The following SEMA4B variants were observed in gnomAD, a reference collection of about 807,000 sequenced individuals.
SEMA4B encodes semaphorin 4B, also known as semaphorin-4B.
A neutral mutation model predicts 88.1 loss-of-function variants in SEMA4B; 55 were observed. That is an observed-to-expected ratio of 0.62 (90% confidence interval 0.50 to 0.78). SEMA4B has a LOEUF of 0.78. Among genes scored for constraint, SEMA4B ranks in the 30% least tolerant of loss-of-function variants. The pLI is 0.00. For synonymous variants in SEMA4B, 525 were observed against 473.6 expected (o/e 1.11, Z -1.41); for missense variants, 1,062 against 1,111.9 (o/e 0.96, Z 0.64).
At chr15:90,206,793 A>C in intron 1 of SEMA4B, 2 of 749,050 alleles carry the variant, frequency 2.7e-6, no homozygotes, top group East Asian at 5.0e-5. Flanking sequence ...CACCAAATCA[A>C]CCTAATTAAG....
At position 90,201,459 on chromosome 15, in the gene SEMA4B, TCCGGAGGCGGGGGCCC is replaced by T; in HGVS notation, c.-115_-100del. 2 of 1,304,866 alleles carry T rather than the reference TCCGGAGGCGGGGGCCC, an allele frequency of 1.5e-6. No individual in the cohort carries two copies. Among genetic ancestry groups the T allele is most frequent in the Non-Finnish European group, 1.9e-6 (2 of 1,029,900 alleles). The allele number at this position is 1,304,866 out of a possible 1,614,324, so 80.8% of individuals were successfully genotyped here. A position where few individuals can be genotyped will look rare whatever the true frequency, so the allele number is the denominator to read the frequency against. On this transcript the variant is annotated 5_prime_UTR_variant, in exon 1 of 14. Coordinates refer to ENST00000411539, the MANE Select transcript of SEMA4B (RefSeq NM_198925.4). ...TGTTTCCCACCTCCCGCCCCCCAGG[TCCGGAGGCGGGGGCCC>T]CCGGGGCGACTCGGGGGCGGACCGC...
intron 1 of SEMA4B, among the ~76,000 whole-genome samples, chr15:90,191,532 T>C (rs1960343673): frequency 6.6e-6 from 1 of 152,198 alleles, no homozygotes; most frequent in Non-Finnish European, 1.5e-5. Context: ...GTGCTGTTCA[T>C]AGCACTCCGT....
In SEMA4B at chr15:90,190,984, G is replaced by T. The variant is rs139217068; in HGVS notation, c.-122+5903G>T. ...TGTAGAGACCGGGTCTTCCTATGTT[G>T]CCCATCTGGTCTCCCCTGGACAGGC... On this transcript the variant is annotated intron_variant, in intron 1 of 14. Transcript: ENST00000332496. Among the ~76,000 whole-genome samples, 779 of 152,316 alleles carry T rather than the reference G, an allele frequency of 5.1e-3. 13 individuals are homozygous for T. The highest frequency in any genetic ancestry group is 0.018 in the African/African-American group (748 of 41,568).
At chr15:90,219,660 TC>T in intron 3 of SEMA4B, 132 bp from the exon 4 acceptor site, 2 of 646,848 alleles carry the variant, frequency 3.1e-6, no homozygotes, top group Non-Finnish European at 5.3e-6. Flanking sequence ...GGTTCTTTGT[TC>T]CTAGACTTGA....
upstream of SEMA4B, among the ~76,000 whole-genome samples, chr15:90,199,295 G>A (rs1420296278): frequency 6.6e-6 from 1 of 152,198 alleles, no homozygotes; most frequent in Non-Finnish European, 1.5e-5. Context: ...AGAGGGTGGT[G>A]CCTGGGCCCT....
chr15:90,219,757 G>T (rs761528668), intron 3 of SEMA4B, 36 bp from the exon 4 acceptor site: 1 of 1,553,948 alleles, frequency 6.4e-7, no homozygotes, highest in South Asian at 1.1e-5. Context: ...GCATGCTTGG[G>T]CGTGGGACTG....
upstream of SEMA4B, among the ~76,000 whole-genome samples, chr15:90,196,958 C>T (rs1489567461): frequency 2.0e-5 from 3 of 152,170 alleles, no homozygotes; most frequent in South Asian, 2.1e-4. Context: ...AAGCTGGTTC[C>T]GATGTCCTTT....
chr15:90,219,127 T>C (rs571405540), intron 3 of SEMA4B: 1 of 151,372 alleles, frequency 6.6e-6, no homozygotes, highest in East Asian at 1.9e-4. Context: ...GAGGGGCGAG[T>C]GATGATGGTG....
intron 1 of SEMA4B, among the ~76,000 whole-genome samples, chr15:90,211,454 G>T (rs2151606231): frequency 6.6e-6 from 1 of 152,302 alleles, no homozygotes; most frequent in East Asian, 1.9e-4. Flanking sequence ...TCTGCCCAGA[G>T]TCCCTGGTCA....
At chr15:90,202,960 G>T (rs1312192781) in intron 1 of SEMA4B, among the ~76,000 whole-genome samples, 1 of 152,210 alleles carries the variant, frequency 6.6e-6, no homozygotes, top group East Asian at 1.9e-4. Context: ...GATGACCTGG[G>T]TTCAAATGCT....
intron 12 of SEMA4B, among the ~76,000 whole-genome samples, chr15:90,226,680 G>A (rs1962189598): frequency 1.3e-5 from 2 of 152,138 alleles, no homozygotes; most frequent in Non-Finnish European, 2.9e-5. Context: ...CAACTGTCCT[G>A]TTTGTAGTGT....
At chr15:90,201,140 T>C (rs1162541801), upstream of SEMA4B, among the ~76,000 whole-genome samples, 7 of 151,638 alleles carry the variant, frequency 4.6e-5, no homozygotes, top group Non-Finnish European at 8.8e-5. Flanking sequence ...GGCGGGGAGC[T>C]GGGGGTCGGC....
Position 90,220,980 on chromosome 15 carries a change from A to C in SEMA4B, c.484-2A>C. On this transcript the variant is annotated splice_acceptor_variant, in intron 4 of 13. Coordinates refer to ENST00000411539, the MANE Select transcript of SEMA4B (RefSeq NM_198925.4). LOFTEE classifies it high-confidence loss of function. The stretch of plus-strand genomic sequence containing the variant: ...TGAGCCCATGTGTCCACCCTCCTGC[A>C]GAACATGGAGAACTTCACCCTGGCA... The C allele has an allele frequency of 6.3e-7, 1 of 1,596,206 alleles. No individual in the cohort carries two copies. The highest frequency in any genetic ancestry group is 8.6e-7 in the Non-Finnish European group (1 of 1,169,018).
chr15:90,202,481 T>G (rs1960794636), intron 1 of SEMA4B, among the ~76,000 whole-genome samples: 1 of 152,174 alleles, frequency 6.6e-6, no homozygotes, highest in Non-Finnish European at 1.5e-5. Flanking sequence ...CACCTCCTGT[T>G]TCAGCCCTCC....
chr15:90,217,866 G>A, intron 3 of SEMA4B, 37 bp downstream of exon 3: 1 of 1,576,494 alleles, frequency 6.3e-7, no homozygotes, highest in Non-Finnish European at 8.7e-7. Context: ...AGCTGCAGGA[G>A]GGATGGAGGG....
intron 1 of SEMA4B, among the ~76,000 whole-genome samples, chr15:90,191,467 C>T (rs539385385): frequency 4.3e-4 from 66 of 152,350 alleles, no homozygotes; most frequent in South Asian, 4.1e-3. Context: ...TGAGCATTCA[C>T]TACATGCCAG....
intron 1 of SEMA4B, among the ~76,000 whole-genome samples, chr15:90,210,744 C>T (rs1009736094): frequency 6.6e-6 from 1 of 151,904 alleles, no homozygotes. Flanking sequence ...GACGGGGTGG[C>T]GTGGCCCGTG....
chr15:90,194,469 T>C (rs1447157639), intron 1 of SEMA4B, among the ~76,000 whole-genome samples: 4 of 152,138 alleles, frequency 2.6e-5, no homozygotes, highest in Non-Finnish European at 1.5e-5. Flanking sequence ...GAGGCAGAGG[T>C]TGCAGTGAGC....
intron 12 of SEMA4B, 108 bp from the exon 13 acceptor site, chr15:90,227,449 A>G: frequency 2.4e-6 from 2 of 848,422 alleles, no homozygotes; most frequent in Non-Finnish European, 3.7e-6. Context: ...TGGGTGGGGA[A>G]TCAGCTCAGG....
Sources: gnomAD v4.1 joint callset for allele counts (sites outside exome capture counted in the v4.1 genomes callset) on GRCh38, gnomAD v4.1.1 for gene constraint, MANE v1.5 for transcripts, NCBI Gene and HGNC (gene_info 2026-07-23, HGNC 2026-07-21) for gene names.